The following ARHGEF25 variants were observed in gnomAD, a reference collection of about 807,000 sequenced individuals.
ARHGEF25 encodes the protein RAC/CDC42 exchange factor.
In ARHGEF25, 42 loss-of-function variants were observed where a neutral mutation model predicts 74.0. The ratio of observed to expected loss-of-function variants is 0.57; its 90% CI spans 0.44 to 0.73. The LOEUF (loss-of-function observed/expected upper bound fraction) is 0.73, where lower values mean the gene tolerates loss of function less well. ARHGEF25 is among the 30% of genes least tolerant of loss of function. The pLI, the probability that ARHGEF25 is intolerant of heterozygous loss-of-function variation, is 0.00. For synonymous variants in ARHGEF25, 293 were observed against 278.6 expected (o/e 1.05, Z -0.51); for missense variants, 645 against 725.5 (o/e 0.89, Z 1.27).
Position 57,615,931 on chromosome 12 carries a change from T to C in ARHGEF25, c.1334T>C (p.Val445Ala), listed in dbSNP as rs1345808773. ...RGPEGGIQRY[V>A]LQAADPAISQ... ...CCAGAGGGTGGGATCCAGCGCTATG[T>C]CCTGCAGGCTGCAGACCCTGCTATC... is the stretch of plus-strand genomic sequence containing the variant. Residue 445 changes from valine to alanine, a missense_variant, in exon 13 of 15, where the codon GTC (valine) becomes GCC (alanine). By Grantham distance (64) the Val-to-Ala change is moderately conservative (BLOSUM62 0). Transcript: ENST00000286494. 6 of 1,614,178 alleles carry C rather than the reference T, an allele frequency of 3.7e-6. No individual in the cohort carries two copies. Among genetic ancestry groups the C allele is most frequent in the Non-Finnish European group, 3.4e-6 (4 of 1,180,024 alleles).
Position 57,615,254 on chromosome 12 carries a change from G to A in ARHGEF25, c.978G>A (p.Met326Ile). Residue 326 changes from methionine (M) to isoleucine (I), a missense_variant, in exon 11 of 15, where the codon ATG (methionine) becomes ATA (isoleucine). Around this residue, in one of 3 missense-constraint regions of ARHGEF25, gnomAD observed 194 missense variants for 269.4 expected, o/e 0.72. Coordinates refer to ENST00000286494, the MANE Select transcript of ARHGEF25 (RefSeq NM_182947.4). Reference sequence around the variant, plus strand: ...TGTCCCAGCAAGCTGTGGAGGTCATGTGCTTTGTGCCCAAGCGCTGCAACG... The same window carrying A: ...TGTCCCAGCAAGCTGTGGAGGTCATATGCTTTGTGCCCAAGCGCTGCAACG... ...TADLEQAVEV[M>I]CFVPKRCNDM... 1.2e-6 allele frequency: 2 copies of A among 1,605,736 alleles called. No homozygotes were observed. The highest frequency in any genetic ancestry group is 1.7e-6 in the Non-Finnish European group (2 of 1,176,198).
In ARHGEF25 at chr12:57,613,099, C is replaced by T; in HGVS notation, c.267C>T (p.Leu89=). The part of the protein sequence containing the change: ...RRWLDHSKHC[L]SVETEADSGQ... ...GGTTGGATCATTCCAAACATTGTCT[C>T]AGTGTGGAAACTGAGGCAGACAGTG... The change falls in exon 2 of 15, where the codon CTC becomes CTT. Residue 89 remains leucine (L), a synonymous_variant. Coordinates refer to ENST00000286494, the MANE Select transcript of ARHGEF25 (RefSeq NM_182947.4). 2 of 1,613,908 alleles carry T rather than the reference C, an allele frequency of 1.2e-6. No individual in the cohort carries two copies. The highest frequency in any genetic ancestry group is 1.7e-6 in the Non-Finnish European group (2 of 1,179,822).
At chr12:57,616,617 C>T (rs1884304999) in intron 14 of ARHGEF25, 122 bp downstream of exon 14, 1 of 1,035,916 alleles carries the variant, frequency 9.7e-7, no homozygotes, top group Non-Finnish European at 1.4e-6. Flanking sequence ...TACTTCCCAT[C>T]CCTTACGCTT....
chr12:57,612,025 TG>T (rs1304544107), intron 1 of ARHGEF25, 34 bp downstream of exon 1: 9 of 646,870 alleles, frequency 1.4e-5, no homozygotes, highest in South Asian at 5.7e-5. Context: ...CAGTGTTGAG[TG>T]GGGGGCGGGC....
rs370713793 is a variant in ARHGEF25, at chr12:57,615,959, T to G, written c.1362T>G (p.Ser454Arg). The G allele has an allele frequency of 1.9e-6, 3 of 1,614,118 alleles. No individual in the cohort carries two copies. The Middle Eastern group carries it at 4.9e-4, about 266-fold the overall frequency. ...TGCAGGCTGCAGACCCTGCTATCAG[T>G]CAGGCCTGGATCAAGCATGTGGCTC... ...YVLQAADPAI[S>R]QAWIKHVAQI... The change falls in exon 13 of 15, where the codon AGT (serine) becomes AGG (arginine). Residue 454 changes from serine to arginine, a missense_variant. Around this residue, in one of 3 missense-constraint regions of ARHGEF25, gnomAD observed 262 missense variants for 256.9 expected, o/e 1.02. Coordinates refer to ENST00000286494, the MANE Select transcript of ARHGEF25 (RefSeq NM_182947.4).
intron 10 of ARHGEF25, 60 bp from the exon 11 acceptor site, chr12:57,615,177 C>G (rs1594961457): frequency 6.4e-7 from 1 of 1,557,716 alleles, no homozygotes; most frequent in South Asian, 1.2e-5. Context: ...GCCGAGGAGG[C>G]CTCTTTCCCA....
chr12:57,612,678 A>C, intron 1 of ARHGEF25: 1 of 1,358,006 alleles, frequency 7.4e-7, no homozygotes, highest in Non-Finnish European at 9.5e-7. Context: ...TATGCTCAGG[A>C]TATGGGGAAC....
In ARHGEF25 at chr12:57,616,970, T is replaced by C; in HGVS notation, c.*76T>C. Reference sequence around the variant, plus strand: ...AGCTTCAGGGCAGTCCTTCTGGCACTGCTCCAGAATTCCTCCTTCTTGGTG... The same window carrying C: ...AGCTTCAGGGCAGTCCTTCTGGCACCGCTCCAGAATTCCTCCTTCTTGGTG... On this transcript the variant is annotated 3_prime_UTR_variant, in exon 15 of 15. Coordinates refer to ENST00000286494, the MANE Select transcript of ARHGEF25 (RefSeq NM_182947.4). The C allele has an allele frequency of 1.8e-6, 2 of 1,125,774 alleles. No homozygotes were observed. The highest frequency in any genetic ancestry group is 3.1e-5 in the African/African-American group (2 of 65,304). 69.7% of individuals were successfully genotyped at this position (1,125,774 alleles called of 1,614,324 possible).
rs768815053 is a variant in ARHGEF25, at chr12:57,613,532, C to T, written c.485+16C>T. The T allele has an allele frequency of 1.2e-6, 2 of 1,614,080 alleles. No individual in the cohort carries two copies. The highest frequency in any genetic ancestry group is 2.2e-5 in the East Asian group (1 of 44,876). On this transcript the variant is annotated intron_variant, in intron 4 of 14. Coordinates refer to ENST00000286494, the MANE Select transcript of ARHGEF25 (RefSeq NM_182947.4). ...AAAGGAGTATGTAAGTGTCCACAGCCCTTCCCTGCAGTTGCACAACTTCCA... is the reference window on the plus strand; with the variant it reads ...AAAGGAGTATGTAAGTGTCCACAGCTCTTCCCTGCAGTTGCACAACTTCCA...
intron 11 of ARHGEF25, 22 bp downstream of exon 11, chr12:57,615,336 C>A: frequency 6.3e-7 from 1 of 1,593,854 alleles, no homozygotes; most frequent in Non-Finnish European, 8.5e-7. Context: ...GGGCAAGAAA[C>A]TGGAGGCCCG....
chr12:57,612,018 T>C, intron 1 of ARHGEF25, 27 bp downstream of exon 1: 3 of 1,103,324 alleles, frequency 2.7e-6, no homozygotes, highest in Non-Finnish European at 3.5e-6. Flanking sequence ...GAGGGTCCAG[T>C]GTTGAGTGGG....
upstream of ARHGEF25, chr12:57,610,539 C>G: frequency 6.4e-7 from 1 of 1,570,200 alleles, no homozygotes; most frequent in Non-Finnish European, 8.7e-7. Flanking sequence ...CCTAGGAGGG[C>G]AGGTTCCTTA....
At chr12:57,613,579 AG>A in intron 4 of ARHGEF25, 63 bp downstream of exon 4, 1 of 1,612,292 alleles carries the variant, frequency 6.2e-7, no homozygotes, top group Non-Finnish European at 8.5e-7. Flanking sequence ...CTCACATTTT[AG>A]ATGGAATTTC....
chr12:57,616,645 T>TG, intron 14 of ARHGEF25, 139 bp from the exon 15 acceptor site: 1 of 995,460 alleles, frequency 1.0e-6, no homozygotes, highest in Non-Finnish European at 1.5e-6. Context: ...CTATTTTAAC[T>TG]CTGGAGAAGC....
chr12:57,611,359 A>G, upstream of ARHGEF25: 2 of 847,920 alleles, frequency 2.4e-6, no homozygotes, highest in African/African-American at 3.7e-5. The surrounding 1 kb of genome is among the most constrained non-coding windows in gnomAD (Gnocchi z 4.5). Flanking sequence ...CGCAGGCAGG[A>G]GGGGGAACGC....
rs947921217 is a variant in ARHGEF25 at position 57,613,498 on chromosome 12, A to C, written c.467A>C (p.Lys156Thr). ...GAGAGTGAGGAGGAACAGAAGAAGA[A>C]GGCTCTGGAAAGGAGTATGTAAGTG... The part of the protein sequence containing the change: ...APESEEEQKK[K>T]ALERSMYVLS... Residue 156 changes from lysine to threonine, a missense_variant, in exon 4 of 15, where the codon AAG (lysine) becomes ACG (threonine). Physicochemically the swap from Lys to Thr is moderately conservative, Grantham distance 78 (BLOSUM62 -1). Around this residue, in one of 3 missense-constraint regions of ARHGEF25, gnomAD observed 189 missense variants for 199.1 expected, o/e 0.95. Transcript: ENST00000286494. 1.4e-5 allele frequency: 23 copies of C among 1,614,104 alleles called. No homozygotes were observed. The highest frequency in any genetic ancestry group is 1.9e-5 in the Non-Finnish European group (23 of 1,180,034).
At chr12:57,613,899 G>A in intron 5 of ARHGEF25, 117 bp from the exon 6 acceptor site, 1 of 1,468,794 alleles carries the variant, frequency 6.8e-7, no homozygotes, top group Admixed American at 1.7e-5. Flanking sequence ...CTGGGGGCAG[G>A]GCGGCTCCCA....
intron 4 of ARHGEF25, 38 bp from the exon 5 acceptor site, chr12:57,613,656 G>A (rs1176830972): frequency 3.1e-6 from 5 of 1,612,756 alleles, no homozygotes; most frequent in Non-Finnish European, 4.2e-6. Context: ...GATGAGCTCC[G>A]ACGCTGAAGT....
At position 57,613,286 on chromosome 12, in the gene ARHGEF25, T is replaced by C; in HGVS notation, c.335T>C (p.Leu112Pro). ...PYENWMLEPA[L>P]ATGEELPELT... is the part of the protein sequence containing the mutation. ...CAGAACTGGATGTTGGAGCCAGCTC[T>C]AGCCACAGGAGAGGAGCTGCCGGAA... The change falls in exon 3 of 15, where the codon CTA (leucine) becomes CCA (proline). Residue 112 changes from leucine to proline, a missense_variant. Around this residue, in one of 3 missense-constraint regions of ARHGEF25, gnomAD observed 189 missense variants for 199.1 expected, o/e 0.95. Coordinates refer to ENST00000286494, the MANE Select transcript of ARHGEF25 (RefSeq NM_182947.4). 6.2e-7 allele frequency: 1 copy of C among 1,614,212 alleles called. No homozygotes were observed. Among genetic ancestry groups the C allele is most frequent in the Non-Finnish European group, 8.5e-7 (1 of 1,180,026 alleles).
Sources: gnomAD v4.1 joint callset for allele counts on GRCh38, gnomAD v4.1.1 for gene constraint, gnomAD v4.1.1 regional missense constraint, Gnocchi (gnomAD v3.1) non-coding constraint, MANE v1.5 for transcripts, NCBI Gene and HGNC (gene_info 2026-07-23, HGNC 2026-07-21) for gene names.